The following USP10 variants were observed in gnomAD, a reference collection of about 807,000 sequenced individuals.
The protein encoded by USP10 is ubiquitin carboxyl-terminal hydrolase 10.
USP10 carries 22 observed loss-of-function variants against 84.5 expected under a neutral mutation model. That is an observed-to-expected ratio of 0.26 (90% confidence interval 0.19 to 0.37). The LOEUF is 0.37. Ranked by LOEUF, USP10 falls within the 10% of genes least tolerant of loss-of-function variation. The probability of loss-of-function intolerance (pLI) is 1.00; values close to 1 mark genes in which losing one functional copy is unlikely to be tolerated. For missense variants in USP10, 1,019 were observed against 998.9 expected, an observed-to-expected ratio of 1.02 and a Z score of -0.27; for synonymous variants, 454 against 387.6, an observed-to-expected ratio of 1.17 and a Z score of -2.01.
chr16:84,702,563 A>G (rs1447209663), intron 1 of USP10, among the ~76,000 whole-genome samples: 3 of 152,190 alleles, frequency 2.0e-5, no homozygotes, highest in Admixed American at 2.0e-4. Context: ...TTTATCAGAT[A>G]TTAAGCGTCA....
chr16:84,721,804 TCTC>T (rs1907847796), intron 1 of USP10, among the ~76,000 whole-genome samples: 2 of 152,140 alleles, frequency 1.3e-5, no homozygotes. Context: ...TTCAAGCAAT[TCTC>T]CTGCCTCAGC....
intron 1 of USP10, 40 bp downstream of exon 1, chr16:84,700,151 G>A (rs1363481145): frequency 8.0e-7 from 1 of 1,244,576 alleles, no homozygotes; most frequent in South Asian, 2.1e-5. Flanking sequence ...AGGGGCCCGA[G>A]CCCCGGGCGG....
chr16:84,771,040 G>A (rs1415687451), intron 11 of USP10, among the ~76,000 whole-genome samples: 2 of 141,340 alleles, frequency 1.4e-5, no homozygotes, highest in African/African-American at 5.3e-5. Context: ...CTCGATGACA[G>A]AGCGAGACTG....
At chr16:84,718,922 A>T (rs2150774855) in intron 1 of USP10, among the ~76,000 whole-genome samples, 1 of 151,832 alleles carries the variant, frequency 6.6e-6, no homozygotes, top group East Asian at 2.0e-4. Flanking sequence ...CCTCCCGAGT[A>T]GCTGAGATTA....
At chr16:84,714,239 C>A (rs901286230) in intron 1 of USP10, among the ~76,000 whole-genome samples, 105 of 152,164 alleles carry the variant, frequency 6.9e-4, no homozygotes, top group African/African-American at 2.4e-3. Context: ...GGAGCCAGCT[C>A]GTTGTGGTTT....
chr16:84,700,007 T>G lies in USP10; in HGVS notation c.-84T>G. ...AGGCGCGGCGGCCGATGCGAGTGTGTATGTGCGGGCGAGAAGATGGCGGCG... is the reference window on the plus strand; with the variant it reads ...AGGCGCGGCGGCCGATGCGAGTGTGGATGTGCGGGCGAGAAGATGGCGGCG... On this transcript the variant is annotated 5_prime_UTR_variant, in exon 1 of 14. Transcript: ENST00000219473. 1.6e-6 allele frequency: 2 copies of G among 1,262,676 alleles called. No individual in the cohort carries two copies. The highest frequency in any genetic ancestry group is 1.0e-6 in the Non-Finnish European group (1 of 966,298). 78.2% of individuals were successfully genotyped at this position (1,262,676 alleles called of 1,614,324 possible). A position where few individuals can be genotyped will look rare whatever the true frequency, so the allele number is the denominator to read the frequency against.
chr16:84,752,827 G>A (rs1009182954), intron 4 of USP10, among the ~76,000 whole-genome samples: 1 of 152,186 alleles, frequency 6.6e-6, no homozygotes, highest in African/African-American at 2.4e-5. Context: ...AAGGCTTAGT[G>A]TACGTGTGAG....
chr16:84,706,224 A>G (rs747049902), intron 1 of USP10, among the ~76,000 whole-genome samples: 1 of 151,968 alleles, frequency 6.6e-6, no homozygotes, highest in Non-Finnish European at 1.5e-5. Flanking sequence ...TACTTTTGAT[A>G]GGACATGTTG....
chr16:84,775,143 G>T lies in USP10; in HGVS notation c.2144-17G>T, dbSNP rs771046313. ...CTTTCTAAAAGTGCTTCAAGCCATT[G>T]ATATTTTGTTTTCCAGAACTGCTTT... On this transcript the variant is annotated splice_polypyrimidine_tract_variant and intron_variant, in intron 12 of 13. Coordinates refer to ENST00000219473, the MANE Select transcript of USP10 (RefSeq NM_005153.3). 21 of 1,612,936 alleles carry T rather than the reference G, an allele frequency of 1.3e-5. No homozygotes were observed. The highest frequency in any genetic ancestry group is 1.6e-5 in the Non-Finnish European group (19 of 1,179,030).
chr16:84,762,959 C>T (rs769369289), intron 8 of USP10, 30 bp from the exon 9 acceptor site: 4 of 1,478,898 alleles, frequency 2.7e-6, no homozygotes, highest in African/African-American at 1.4e-5. Flanking sequence ...GATCAGTTCA[C>T]AGTAACGTGA....
At chr16:84,775,774 G>C (rs929551697) in intron 13 of USP10, among the ~76,000 whole-genome samples, 19 of 152,220 alleles carry the variant, frequency 1.2e-4, no homozygotes, top group Non-Finnish European at 2.5e-4. Flanking sequence ...GGTGGACCTT[G>C]AGACCTCTTC....
At chr16:84,720,692 C>T (rs1019388266) in intron 1 of USP10, among the ~76,000 whole-genome samples, 2 of 148,476 alleles carry the variant, frequency 1.3e-5, no homozygotes, top group East Asian at 4.1e-4. Context: ...CGCCATTCTC[C>T]TGCCTCAGCC....
chr16:84,757,400 GGGGTGTGTGTGTGTGTGTGTGTGTGT>G (rs1912698005), intron 4 of USP10, among the ~76,000 whole-genome samples: 1 of 61,168 alleles, frequency 1.6e-5, no homozygotes, highest in South Asian at 3.6e-4. Flanking sequence ...GAGAGGGGTG[GGGGTGTGTGTGTGTGTGTGTGTGTGT>G]GTGTGTGTGT....
At chr16:84,722,925 T>C (rs59808744) in intron 1 of USP10, among the ~76,000 whole-genome samples, 13,016 of 152,224 alleles carry the variant, frequency 0.086, 738 homozygotes, top group East Asian at 0.23. Context: ...TGAGTTCCTG[T>C]CATTGACAGC....
At chr16:84,775,782 T>C (rs1027799524) in intron 13 of USP10, among the ~76,000 whole-genome samples, 1 of 152,224 alleles carries the variant, frequency 6.6e-6, no homozygotes, top group South Asian at 2.1e-4. Context: ...TTGAGACCTC[T>C]TCTGTCTCCT....
At chr16:84,759,713 C>A in intron 6 of USP10, 178 bp from the exon 7 acceptor site, 1 of 724,598 alleles carries the variant, frequency 1.4e-6, no homozygotes, top group Non-Finnish European at 2.3e-6. Context: ...GCATATATCA[C>A]TTGAAATAGA....
intron 4 of USP10, among the ~76,000 whole-genome samples, chr16:84,756,543 A>C (rs1046623044): frequency 6.6e-6 from 1 of 152,180 alleles, no homozygotes; most frequent in Non-Finnish European, 1.5e-5. Flanking sequence ...CAGTGAGCCA[A>C]GATTGCACCA....
At chr16:84,773,437 C>T (rs1223059142) in intron 12 of USP10, among the ~76,000 whole-genome samples, 1 of 152,076 alleles carries the variant, frequency 6.6e-6, no homozygotes, top group Non-Finnish European at 1.5e-5. Flanking sequence ...GCACAGCAAC[C>T]CCACCTCATA....
chr16:84,775,550 G>T (rs998751880), intron 13 of USP10, among the ~76,000 whole-genome samples: 3 of 152,190 alleles, frequency 2.0e-5, no homozygotes, highest in Non-Finnish European at 4.4e-5. Context: ...GGCACCTGTG[G>T]GTGACAGTGC....
Sources: allele counts gnomAD v4.1 joint callset (sites outside exome capture counted in the v4.1 genomes callset), GRCh38; gene constraint gnomAD v4.1.1; transcripts MANE v1.5; gene names NCBI Gene and HGNC (gene_info 2026-07-23, HGNC 2026-07-21).